The following SHISA9 variants were observed in gnomAD, a reference collection of about 807,000 sequenced individuals.
The protein encoded by SHISA9 is shisa family member 9, also known as protein shisa-9.
SHISA9 carries 13 observed loss-of-function variants against 38.0 expected under a neutral mutation model. The observed-to-expected ratio is 0.34, with a 90% CI of 0.22 to 0.54. The LOEUF (loss-of-function observed/expected upper bound fraction) is 0.54. Ranked by LOEUF, SHISA9 falls within the 20% of genes least tolerant of loss-of-function variation. The pLI is 0.91. For synonymous variants in SHISA9, 275 were observed against 242.0 expected (o/e 1.14, Z -1.27); for missense variants, 538 against 575.8 (o/e 0.93, Z 0.67).
At chr16:12,957,236 C>T (rs138519039) in intron 2 of SHISA9, among the ~76,000 whole-genome samples, 8 of 152,336 alleles carry the variant, frequency 5.3e-5, no homozygotes, top group Non-Finnish European at 1.2e-4. Context: ...CTCTTTTGAA[C>T]CCTTTCTACA....
At chr16:13,487,955 C>T in the SHISA9 span, among the ~76,000 whole-genome samples, 5 of 152,152 alleles carry the variant, frequency 3.3e-5, no homozygotes, top group African/African-American at 1.2e-4. Flanking sequence ...AGGAGAATCT[C>T]TTTTAAAGCA....
intron 2 of SHISA9, among the ~76,000 whole-genome samples, chr16:13,071,563 T>TCCTTCCTCCCTTCCTC (rs750883919): frequency 2.2e-5 from 3 of 138,194 alleles, no homozygotes; most frequent in African/African-American, 1.0e-4. Context: ...CCTTTTTCCT[T>TCCTTCCTCCCTTCCTC]CCTTCCTCCC....
At chr16:13,104,175 A>G (rs968382889) in intron 2 of SHISA9, among the ~76,000 whole-genome samples, 11 of 152,078 alleles carry the variant, frequency 7.2e-5, no homozygotes, top group Non-Finnish European at 8.8e-5. Flanking sequence ...AGCTTTCCAT[A>G]TTCTCAGTCA....
chr16:13,158,067 G>A (rs533949282), intron 2 of SHISA9, among the ~76,000 whole-genome samples: 21 of 152,078 alleles, frequency 1.4e-4, no homozygotes, highest in African/African-American at 4.8e-4. Context: ...AGAAAGAACC[G>A]GAACCTTGGG....
chr16:13,231,185 T>G (rs1361286550), intron 4 of SHISA9, among the ~76,000 whole-genome samples: 1 of 152,156 alleles, frequency 6.6e-6, no homozygotes, highest in East Asian at 1.9e-4. Context: ...AAGTCAACCA[T>G]TGCTCCCAAG....
the SHISA9 span, among the ~76,000 whole-genome samples, chr16:13,273,503 G>T: frequency 1.3e-5 from 2 of 152,172 alleles, no homozygotes; most frequent in African/African-American, 2.4e-5. Context: ...TCTGCCTGCT[G>T]CCATCCATGT....
At chr16:13,130,806 G>T (rs1023847259) in intron 2 of SHISA9, among the ~76,000 whole-genome samples, 4 of 152,198 alleles carry the variant, frequency 2.6e-5, no homozygotes, top group African/African-American at 9.6e-5. Flanking sequence ...AGACTGGTTT[G>T]GCCATGTTCC....
the SHISA9 span, among the ~76,000 whole-genome samples, chr16:13,502,264 G>T: frequency 6.6e-6 from 1 of 152,122 alleles, no homozygotes; most frequent in African/African-American, 2.4e-5. Context: ...TCACACCCAT[G>T]ATATCTGCAT....
chr16:13,514,374 A>G, the SHISA9 span, among the ~76,000 whole-genome samples: 1 of 152,226 alleles, frequency 6.6e-6, no homozygotes, highest in East Asian at 1.9e-4. Flanking sequence ...AATCAATAAG[A>G]GAATAAATAA....
chr16:13,345,138 A>G, the SHISA9 span, among the ~76,000 whole-genome samples: 1 of 152,156 alleles, frequency 6.6e-6, no homozygotes, highest in Non-Finnish European at 1.5e-5. Flanking sequence ...TTCAGGATAC[A>G]AGTGCAGGTT....
the SHISA9 span, among the ~76,000 whole-genome samples, chr16:13,353,211 T>A: frequency 6.6e-6 from 1 of 151,992 alleles, no homozygotes; most frequent in Non-Finnish European, 1.5e-5. Context: ...GGGGTGATAT[T>A]GTGGGGATGT....
the SHISA9 span, chr16:13,332,469 A>C: frequency 3.7e-4 from 57 of 152,262 alleles, no homozygotes; most frequent in Admixed American, 3.7e-3. Context: ...AGAGATCGTC[A>C]CTGGGAAATG....
chr16:12,961,134 A>T (rs2141792842), intron 2 of SHISA9, among the ~76,000 whole-genome samples: 1 of 152,246 alleles, frequency 6.6e-6, no homozygotes, highest in Admixed American at 6.5e-5. Flanking sequence ...CCGGAGGATG[A>T]GTGGGAATGA....
chr16:13,067,479 C>T (rs1306721356), intron 2 of SHISA9, among the ~76,000 whole-genome samples: 1 of 152,354 alleles, frequency 6.6e-6, no homozygotes, highest in Middle Eastern at 3.4e-3. Flanking sequence ...GTCTCCCCTG[C>T]TGGACTTGCT....
chr16:12,985,036 C>T (rs1452573424), intron 2 of SHISA9, among the ~76,000 whole-genome samples: 2 of 152,104 alleles, frequency 1.3e-5, no homozygotes, highest in Non-Finnish European at 2.9e-5. Context: ...GAACCCACTC[C>T]CTCATTGGTT....
intron 2 of SHISA9, among the ~76,000 whole-genome samples, chr16:13,193,303 A>G (rs773410483): frequency 5.9e-5 from 9 of 152,032 alleles, no homozygotes; most frequent in Non-Finnish European, 1.0e-4. Flanking sequence ...AACTTAAGAG[A>G]TGTGAGGGAA....
chr16:13,477,860 G>A, the SHISA9 span, among the ~76,000 whole-genome samples: 30 of 152,296 alleles, frequency 2.0e-4, no homozygotes, highest in Admixed American at 7.8e-4. Flanking sequence ...AGCTACTTGG[G>A]AGGCTGAGGC....
At chr16:12,921,083 G>T (rs918486836) in intron 2 of SHISA9, among the ~76,000 whole-genome samples, 7 of 152,312 alleles carry the variant, frequency 4.6e-5, no homozygotes, top group Admixed American at 1.3e-4. Flanking sequence ...TGGTCTGACT[G>T]TGCTCTTGTA....
the SHISA9 span, among the ~76,000 whole-genome samples, chr16:13,543,514 C>A: frequency 6.6e-6 from 1 of 152,272 alleles, no homozygotes; most frequent in South Asian, 2.1e-4. Context: ...CTCAGACGGC[C>A]AGCATAAAAC....
Sources: gnomAD v4.1 joint callset for allele counts (sites outside exome capture counted in the v4.1 genomes callset) on GRCh38, gnomAD v4.1.1 for gene constraint, MANE v1.5 for transcripts, NCBI Gene and HGNC (gene_info 2026-07-23, HGNC 2026-07-21) for gene names.